Variants in KALRN observed in about 807,000 individuals in gnomAD.
The protein encoded by KALRN is kalirin.
In KALRN, 70 loss-of-function variants were observed where a neutral mutation model predicts 353.7. That is an observed-to-expected ratio of 0.20 (90% CI 0.16 to 0.24). KALRN has a LOEUF of 0.24. Among genes scored for constraint, KALRN ranks in the 10% least tolerant of loss-of-function variants. The pLI, the probability that KALRN is intolerant of heterozygous loss-of-function variation, is 1.00. For missense variants in KALRN, 2,791 were observed against 3,756.7 expected (o/e 0.74, Z 6.72); for synonymous variants, 1,391 against 1,434.8 (o/e 0.97, Z 0.69).
chr3:124,592,246 G>A (rs1169601581), intron 34 of KALRN, among the ~76,000 whole-genome samples: 3 of 149,576 alleles, frequency 2.0e-5, no homozygotes, highest in Non-Finnish European at 1.5e-5. Flanking sequence ...AGGTTGCAGT[G>A]AGCCGAGATA....
chr3:124,278,137 T>C (rs565049224), intron 5 of KALRN, among the ~76,000 whole-genome samples: 39 of 151,812 alleles, frequency 2.6e-4, no homozygotes, highest in Admixed American at 1.6e-3. Context: ...ACTCTTACCC[T>C]AGGCCTTGGA....
At chr3:124,249,633 T>G (rs941532456) in intron 3 of KALRN, among the ~76,000 whole-genome samples, 15 of 152,140 alleles carry the variant, frequency 9.9e-5, no homozygotes, top group East Asian at 3.9e-4. Context: ...TAGAGCAGCA[T>G]GCACAGGATA....
chr3:124,349,795 C>G (rs935147192), intron 10 of KALRN, among the ~76,000 whole-genome samples: 1 of 152,158 alleles, frequency 6.6e-6, no homozygotes, highest in African/African-American at 2.4e-5. Context: ...GTAATAGACA[C>G]AGGTCCCAAT....
chr3:124,074,387 G>T (rs978445760), intron 1 of KALRN, among the ~76,000 whole-genome samples: 8 of 152,216 alleles, frequency 5.3e-5, no homozygotes, highest in African/African-American at 1.9e-4. Flanking sequence ...ACTGGTCAGG[G>T]TTTAACCAAA....
At chr3:124,354,389 G>C (rs2083159573) in intron 10 of KALRN, among the ~76,000 whole-genome samples, 1 of 152,198 alleles carries the variant, frequency 6.6e-6, no homozygotes, top group South Asian at 2.1e-4. Flanking sequence ...GAGCCAGGAT[G>C]ACGGGCTTCT....
intron 55 of KALRN, among the ~76,000 whole-genome samples, chr3:124,698,754 G>C (rs1284176495): frequency 6.6e-6 from 1 of 152,170 alleles, no homozygotes; most frequent in African/African-American, 2.4e-5. Context: ...AAAATTAAGA[G>C]AATATATATT....
intron 1 of KALRN, among the ~76,000 whole-genome samples, chr3:124,129,575 A>G (rs553875397): frequency 2.0e-5 from 3 of 152,308 alleles, no homozygotes; most frequent in African/African-American, 7.2e-5. Context: ...CTCCTGGACA[A>G]TGGCACCAAG....
chr3:124,582,713 T>C (rs1473017935), intron 34 of KALRN, among the ~76,000 whole-genome samples: 1 of 151,040 alleles, frequency 6.6e-6, no homozygotes, highest in African/African-American at 2.4e-5. Flanking sequence ...TAGGTCATGC[T>C]TCGATCATTT....
intron 5 of KALRN, among the ~76,000 whole-genome samples, chr3:124,297,855 C>T (rs2076966449): frequency 6.6e-6 from 1 of 152,198 alleles, no homozygotes; most frequent in African/African-American, 2.4e-5. Context: ...TTGGCTTCAC[C>T]CTCAGGCTGC....
Position 124,147,492 on chromosome 3 carries a change from C to T in KALRN, c.74-80498C>T, listed in dbSNP as rs530312139. ...TTTATTAGGTTTTGAATTGTCCTGT[C>T]AGTAGCTTGTGTTAGTGGCATCTCC... On this transcript the variant is annotated intron_variant, in intron 1 of 59. Coordinates refer to ENST00000682506, the MANE Select transcript of KALRN (RefSeq NM_001388419.1). Among the ~76,000 whole-genome samples, 11 of 152,226 alleles carry T rather than the reference C, an allele frequency of 7.2e-5. No individual in the cohort carries two copies. The South Asian group carries it at 2.3e-3, about 32-fold the overall frequency.
intron 1 of KALRN, among the ~76,000 whole-genome samples, chr3:124,073,103 C>T (rs1037928731): frequency 1.3e-5 from 2 of 152,216 alleles, no homozygotes; most frequent in Non-Finnish European, 2.9e-5. Context: ...CTCCAGGGTC[C>T]TGTGGCAGTT....
chr3:124,321,669 T>C (rs2079354455), intron 6 of KALRN, among the ~76,000 whole-genome samples: 1 of 152,204 alleles, frequency 6.6e-6, no homozygotes, highest in African/African-American at 2.4e-5. Flanking sequence ...AAAAAAAGAA[T>C]TTTGTGGGTA....
chr3:124,149,559 A>G (rs2067809456), intron 1 of KALRN, among the ~76,000 whole-genome samples: 1 of 152,214 alleles, frequency 6.6e-6, no homozygotes, highest in Admixed American at 6.5e-5. Context: ...AAGAGACCCC[A>G]TGGTACAAAG....
intron 13 of KALRN, chr3:124,410,165 T>C: frequency 1.9e-6 from 1 of 526,118 alleles, no homozygotes; most frequent in South Asian, 1.4e-5. Flanking sequence ...GAGATCACTC[T>C]CTCAACTAAA....
At chr3:124,200,772 G>T (rs770383792) in intron 1 of KALRN, among the ~76,000 whole-genome samples, 1 of 152,166 alleles carries the variant, frequency 6.6e-6, no homozygotes, top group Non-Finnish European at 1.5e-5. Context: ...TTCACATTGA[G>T]AGAGCAGAAA....
In KALRN at chr3:124,339,543, G is replaced by A. The variant is rs544676923; in HGVS notation, c.1647+5048G>A. On this transcript the variant is annotated intron_variant, in intron 9 of 59. Transcript: ENST00000682506. ...CATGCTCTCCAGTTGCAGCCGATGG[G>A]GAGCTGGGTGGTACAGGCAGCCTAG... Among the ~76,000 whole-genome samples, 3 of 152,276 alleles carry A rather than the reference G, an allele frequency of 2.0e-5. No homozygotes were observed. The East Asian group carries it at 5.8e-4, about 29-fold the overall frequency.
At chr3:124,347,940 C>T (rs1444538300) in intron 10 of KALRN, among the ~76,000 whole-genome samples, 1 of 152,212 alleles carries the variant, frequency 6.6e-6, no homozygotes, top group African/African-American at 2.4e-5. Flanking sequence ...TGTTGTATGA[C>T]AGGCCCTGAC....
intron 3 of KALRN, among the ~76,000 whole-genome samples, chr3:124,241,009 T>G (rs1490208485): frequency 6.6e-6 from 1 of 152,124 alleles, no homozygotes; most frequent in Non-Finnish European, 1.5e-5. Flanking sequence ...TTGCTACATA[T>G]GAGGGACTAG....
Position 124,666,614 on chromosome 3 carries a change from A to C in KALRN, c.6511A>C (p.Met2171Leu), listed in dbSNP as rs1344082922. 1.2e-6 allele frequency: 2 copies of C among 1,614,076 alleles called. No homozygotes were observed. Among genetic ancestry groups the C allele is most frequent in the South Asian group, 1.1e-5 (1 of 91,072 alleles). ...LRKGSLTPGY[M>L]FKRSIKMNYL... ...GAAGGGATCCCTCACCCCTGGCTAC[A>C]TGTTCAAAAGGAGCATCAAGGTGAG... Residue 2171 changes from methionine to leucine, a missense_variant, in exon 46 of 60, where the codon ATG (methionine) becomes CTG (leucine). By Grantham distance (15) the Met-to-Leu change is conservative. Around this residue, in one of 11 missense-constraint regions of KALRN, gnomAD observed 1,065 missense variants for 1,156.4 expected, o/e 0.92. Coordinates refer to ENST00000682506, the MANE Select transcript of KALRN (RefSeq NM_001388419.1).
Sources: gnomAD v4.1 joint callset for allele counts (sites outside exome capture counted in the v4.1 genomes callset) on GRCh38, gnomAD v4.1.1 for gene constraint, gnomAD v4.1.1 regional missense constraint, MANE v1.5 for transcripts, NCBI Gene and HGNC (gene_info 2026-07-23, HGNC 2026-07-21) for gene names.